Variants in SIM1 observed in about 807,000 individuals in gnomAD.
SIM1 encodes single-minded homolog 1.
A neutral mutation model predicts 78.2 loss-of-function variants in SIM1; 18 were observed. The observed-to-expected ratio is 0.23, with a 90% CI of 0.16 to 0.34. The LOEUF is 0.34. Among genes scored for constraint, SIM1 ranks in the 10% least tolerant of loss-of-function variants. The pLI, the probability that SIM1 is intolerant of heterozygous loss-of-function variation, is 1.00. For synonymous variants in SIM1, 417 were observed against 385.2 expected, an observed-to-expected ratio of 1.08 and a Z score of -0.97; for missense variants, 939 against 975.1, an observed-to-expected ratio of 0.96 and a Z score of 0.49.
chr6:100,447,502 G>A, intron 8 of SIM1, 87 bp from the exon 9 acceptor site: 1 of 1,471,732 alleles, frequency 6.8e-7, no homozygotes, highest in Middle Eastern at 1.7e-4. Context: ...AGAATTGAGG[G>A]CTCCCTGTGG....
At chr6:100,412,019 C>T (rs920502067) in intron 10 of SIM1, among the ~76,000 whole-genome samples, 1 of 152,062 alleles carries the variant, frequency 6.6e-6, no homozygotes, top group Middle Eastern at 3.4e-3. Context: ...TTATTTAGGG[C>T]CCAATTATAA....
chr6:100,444,444 T>C (rs1772302368), intron 9 of SIM1, among the ~76,000 whole-genome samples: 1 of 152,048 alleles, frequency 6.6e-6, no homozygotes, highest in African/African-American at 2.4e-5. Context: ...AACTGATCAG[T>C]GTTTTGTTTT....
At chr6:100,439,348 C>T (rs1219826259) in intron 9 of SIM1, among the ~76,000 whole-genome samples, 1 of 152,138 alleles carries the variant, frequency 6.6e-6, no homozygotes, top group African/African-American at 2.4e-5. Flanking sequence ...CTTAAAATTC[C>T]ATCCTTTCCC....
Position 100,389,673 on chromosome 6 carries a change from A to G in SIM1, c.*688T>C. The G allele has an allele frequency of 2.5e-6, 1 of 399,018 alleles. No individual in the cohort carries two copies. Among genetic ancestry groups the G allele is most frequent in the Non-Finnish European group, 4.4e-6 (1 of 226,048 alleles). The allele number at this position is 399,018 out of a possible 1,614,324, so 24.7% of individuals were successfully genotyped here. A position where few individuals can be genotyped will look rare whatever the true frequency, so the allele number is the denominator to read the frequency against. ...AAAACCCTCAGCGCCATGTCAGTGC[A>G]ATCCTGGTCCTTGTCTAACTGAAAA... On this transcript the variant is annotated 3_prime_UTR_variant, in exon 12 of 12. Coordinates refer to ENST00000369208, the MANE Select transcript of SIM1 (RefSeq NM_005068.3).
Position 100,403,270 on chromosome 6 carries a change from C to G in SIM1, c.1168-9381G>C, listed in dbSNP as rs528812674. ...GGCTGAGGCTGGCAAGCAAAAAGCT[C>G]AGATGACTGCCAAAACTGGATTTCA... On this transcript the variant is annotated intron_variant, in intron 10 of 11. Transcript: ENST00000369208. Among the ~76,000 whole-genome samples the G allele has an allele frequency of 2.0e-5, 3 of 152,332 alleles. No homozygotes were observed. In the East Asian group the frequency reaches 5.8e-4, roughly 29 times the overall value.
chr6:100,442,717 T>C (rs760718469), intron 9 of SIM1, among the ~76,000 whole-genome samples: 1 of 152,126 alleles, frequency 6.6e-6, no homozygotes. Context: ...TAACTATATA[T>C]GTTATTGGTC....
intron 9 of SIM1, among the ~76,000 whole-genome samples, chr6:100,444,904 G>A (rs1456249291): frequency 6.6e-6 from 1 of 152,062 alleles, no homozygotes; most frequent in Non-Finnish European, 1.5e-5. Context: ...TAAAATGTAT[G>A]CTATTGAAAC....
At chr6:100,431,148 A>C (rs1422486057) in intron 9 of SIM1, among the ~76,000 whole-genome samples, 1 of 152,228 alleles carries the variant, frequency 6.6e-6, no homozygotes, top group Admixed American at 6.5e-5. Flanking sequence ...ACCGCAAAAA[A>C]TGATGGCATG....
intron 3 of SIM1, among the ~76,000 whole-genome samples, chr6:100,453,357 C>A (rs754844570): frequency 1.3e-5 from 2 of 152,168 alleles, no homozygotes; most frequent in Non-Finnish European, 2.9e-5. Flanking sequence ...GGTCTTTTTA[C>A]CAGATTCCTG....
intron 9 of SIM1, among the ~76,000 whole-genome samples, chr6:100,440,860 C>A (rs1182163373): frequency 1.3e-5 from 2 of 152,132 alleles, no homozygotes; most frequent in Admixed American, 1.3e-4. Flanking sequence ...TCCCACCCCC[C>A]ACCACACACA....
intron 3 of SIM1, among the ~76,000 whole-genome samples, chr6:100,453,485 TTAGGGGCCTCGTTGGGC>T (rs1323681365): frequency 2.6e-5 from 4 of 152,064 alleles, no homozygotes; most frequent in African/African-American, 9.7e-5. Context: ...CCTCCCTTGG[TTAGGGGCCTCGTTGGGC>T]TACATTCCAA....
In SIM1 at chr6:100,463,424, C is replaced by T; in HGVS notation, c.45G>A (p.Lys15=). Residue 15 remains lysine, a synonymous_variant, in exon 2 of 12, where the codon AAG becomes AAA. Coordinates refer to ENST00000369208, the MANE Select transcript of SIM1 (RefSeq NM_005068.3). ...CCAGTTCATAAAATTCACTGTTTTCCTTCTCCCTCCTAGTCCGCGCAGCAT... is the reference window on the plus strand; with the variant it reads ...CCAGTTCATAAAATTCACTGTTTTCTTTCTCCCTCCTAGTCCGCGCAGCAT... The part of the protein sequence containing the change: ...SKNAARTRRE[K]ENSEFYELAK... 3.1e-6 allele frequency: 5 copies of T among 1,613,868 alleles called. No homozygotes were observed. The highest frequency in any genetic ancestry group is 2.7e-5 in the African/African-American group (2 of 75,030).
chr6:100,436,585 T>C (rs1419222751), intron 9 of SIM1, among the ~76,000 whole-genome samples: 1 of 152,216 alleles, frequency 6.6e-6, no homozygotes, highest in Admixed American at 6.5e-5. Flanking sequence ...ATGTACTCAG[T>C]GTTACTTTGT....
At chr6:100,450,161 G>T in intron 4 of SIM1, 106 bp downstream of exon 4, 1 of 853,814 alleles carries the variant, frequency 1.2e-6, no homozygotes, top group Non-Finnish European at 2.0e-6. Context: ...GAGATGTCCA[G>T]CTCCAGGTTT....
In SIM1 at chr6:100,393,678, C is replaced by G. The variant is rs1390144770; in HGVS notation, c.1379G>C (p.Arg460Thr). ...TTCACAGGCCTGGGTATGGAAATGC[C>G]TCTCTTCCACCAGCCTCGAGTGGTC... ...ALDHSRLVEE[R>T]HFHTQACEGG... The change falls in exon 11 of 12, where the codon AGG becomes ACG. Residue 460 changes from arginine (R) to threonine (T), a missense_variant. Physicochemically the swap from Arg to Thr is moderately conservative, Grantham distance 71. Transcript: ENST00000369208. 6.2e-7 allele frequency: 1 copy of G among 1,614,016 alleles called. No individual in the cohort carries two copies. Among genetic ancestry groups the G allele is most frequent in the South Asian group, 1.1e-5 (1 of 91,058 alleles).
At chr6:100,439,244 G>C (rs1258469525) in intron 9 of SIM1, among the ~76,000 whole-genome samples, 1 of 152,176 alleles carries the variant, frequency 6.6e-6, no homozygotes, top group African/African-American at 2.4e-5. Context: ...GATACTAACA[G>C]TGTTACAAGG....
At chr6:100,424,761 A>G (rs534726736) in intron 9 of SIM1, among the ~76,000 whole-genome samples, 2 of 152,216 alleles carry the variant, frequency 1.3e-5, no homozygotes, top group South Asian at 4.2e-4. Flanking sequence ...TGAAGTTTAG[A>G]TGAAATATTC....
intron 10 of SIM1, among the ~76,000 whole-genome samples, chr6:100,410,125 T>C (rs1281232829): frequency 1.3e-5 from 2 of 152,186 alleles, no homozygotes; most frequent in Non-Finnish European, 2.9e-5. Context: ...GCTAAAGATA[T>C]CCAAATTCAA....
chr6:100,442,195 A>C (rs1772236964), intron 9 of SIM1, among the ~76,000 whole-genome samples: 1 of 152,250 alleles, frequency 6.6e-6, no homozygotes, highest in Non-Finnish European at 1.5e-5. Flanking sequence ...CTGTAAGTTC[A>C]TGAAAGATGA....
Sources: allele counts gnomAD v4.1 joint callset (sites outside exome capture counted in the v4.1 genomes callset), GRCh38; gene constraint gnomAD v4.1.1; transcripts MANE v1.5; gene names NCBI Gene and HGNC (gene_info 2026-07-23, HGNC 2026-07-21).